Variants in NR5A2 observed in about 807,000 individuals in gnomAD.
NR5A2 encodes the protein nuclear receptor subfamily 5 group A member 2, also known as CYP7A promoter-binding factor.
NR5A2 carries 26 observed loss-of-function variants against 62.7 expected under a neutral mutation model. The ratio of observed to expected loss-of-function variants is 0.41; its 90% CI spans 0.30 to 0.58. The LOEUF is 0.58. NR5A2 is among the 20% of genes least tolerant of loss of function. The pLI is 0.22. For synonymous variants in NR5A2, 246 were observed against 241.7 expected (o/e 1.02, Z -0.16); for missense variants, 541 against 669.1 (o/e 0.81, Z 2.11).
chr1:200,171,984 C>T (rs1366588488), intron 7 of NR5A2, among the ~76,000 whole-genome samples: 2 of 152,152 alleles, frequency 1.3e-5, no homozygotes, highest in Non-Finnish European at 1.5e-5. Context: ...AAACAACTTT[C>T]TAAAAAGGGT....
intron 5 of NR5A2, among the ~76,000 whole-genome samples, chr1:200,078,753 G>T (rs887482714): frequency 2.0e-5 from 3 of 152,006 alleles, no homozygotes; most frequent in Non-Finnish European, 4.4e-5. Flanking sequence ...TTACTTTAAT[G>T]TTATACATAA....
chr1:200,129,009 T>A (rs908629617), intron 7 of NR5A2, among the ~76,000 whole-genome samples: 1 of 152,220 alleles, frequency 6.6e-6, no homozygotes, highest in Non-Finnish European at 1.5e-5. Flanking sequence ...CTAATGCTTC[T>A]TTTCCCTTTA....
intron 5 of NR5A2, among the ~76,000 whole-genome samples, chr1:200,101,195 G>A (rs1665348377): frequency 6.6e-6 from 1 of 152,074 alleles, no homozygotes; most frequent in Admixed American, 6.6e-5. Context: ...TATTTTGCAG[G>A]GCTATGTCTT....
chr1:200,100,296 C>T (rs961326782), intron 5 of NR5A2, among the ~76,000 whole-genome samples: 3 of 151,866 alleles, frequency 2.0e-5, no homozygotes, highest in Non-Finnish European at 4.4e-5. Flanking sequence ...CTTCGTACTT[C>T]ATTTAGCATC....
intron 7 of NR5A2, among the ~76,000 whole-genome samples, chr1:200,169,790 T>C (rs1464349770): frequency 6.6e-6 from 1 of 152,226 alleles, no homozygotes; most frequent in Non-Finnish European, 1.5e-5. Context: ...ACATACTATT[T>C]CCAACTCAGA....
chr1:200,029,937 A>T (rs1292678685), intron 1 of NR5A2, among the ~76,000 whole-genome samples: 1 of 152,188 alleles, frequency 6.6e-6, no homozygotes, highest in Non-Finnish European at 1.5e-5. Context: ...GGTCGTTCCC[A>T]GGGTGAATGG....
At chr1:200,061,781 G>A (rs957733076) in intron 5 of NR5A2, among the ~76,000 whole-genome samples, 1 of 152,112 alleles carries the variant, frequency 6.6e-6, no homozygotes, top group Non-Finnish European at 1.5e-5. Flanking sequence ...GATGTAACTG[G>A]CCTTTCATCA....
intron 5 of NR5A2, among the ~76,000 whole-genome samples, chr1:200,074,249 T>G (rs962452753): frequency 6.6e-5 from 10 of 152,004 alleles, no homozygotes; most frequent in African/African-American, 2.2e-4. Context: ...TAATGAATTA[T>G]GAGTGCAGTT....
chr1:200,039,824 T>TCCCGCTGCTTCCCCACCC lies in NR5A2; in HGVS notation c.202+32_202+49dup. On this transcript the variant is annotated intron_variant, in intron 2 of 7. Transcript: ENST00000367362. The surrounding 1 kb of genome is among the most constrained non-coding windows in gnomAD (Gnocchi z 5.1). ...AGGAGGCGCCGCGCGGCGCTCCGGC[T>TCCCGCTGCTTCCCCACCC]CCCGCTGCTTCCCCACCCCCGGGCT... 1.3e-6 allele frequency: 2 copies of TCCCGCTGCTTCCCCACCC among 1,582,302 alleles called. No homozygotes were observed. Among genetic ancestry groups the TCCCGCTGCTTCCCCACCC allele is most frequent in the Non-Finnish European group, 1.7e-6 (2 of 1,167,394 alleles).
At chr1:200,131,898 A>C (rs923831346) in intron 7 of NR5A2, among the ~76,000 whole-genome samples, 16 of 152,270 alleles carry the variant, frequency 1.1e-4, no homozygotes, top group Non-Finnish European at 2.1e-4. Context: ...CCAGGAGAGA[A>C]GAACAAATAG....
intron 5 of NR5A2, among the ~76,000 whole-genome samples, chr1:200,093,275 G>A (rs1434298806): frequency 1.3e-5 from 2 of 152,046 alleles, no homozygotes; most frequent in Non-Finnish European, 2.9e-5. Context: ...TCTCCCCTAT[G>A]TTCCTTTTTG....
At chr1:200,135,229 T>C (rs898347937) in intron 7 of NR5A2, among the ~76,000 whole-genome samples, 1 of 152,024 alleles carries the variant, frequency 6.6e-6, no homozygotes, top group Admixed American at 6.6e-5. Context: ...CCTGAAATAA[T>C]AAAGCATGAG....
At position 200,111,336 on chromosome 1, in the gene NR5A2, C is replaced by CTCA; in HGVS notation, c.1230+15_1230+16insTCA. 2 of 1,406,406 alleles carry CTCA rather than the reference C, an allele frequency of 1.4e-6. No individual in the cohort carries two copies. The highest frequency in any genetic ancestry group is 9.4e-7 in the Non-Finnish European group (1 of 1,069,010). The allele number at this position is 1,406,406 out of a possible 1,614,324, so 87.1% of individuals were successfully genotyped here. On this transcript the variant is annotated intron_variant, in intron 6 of 7. Coordinates refer to ENST00000367362, the MANE Select transcript of NR5A2 (RefSeq NM_205860.3). ...CTGGGCAACAAGTGAGTGTAGAGACCAAAAAAAAAAAAAAAGCATCTTTTT... is the reference window on the plus strand; with the variant it reads ...CTGGGCAACAAGTGAGTGTAGAGACCTCAAAAAAAAAAAAAAAAGCATCTTTTT...
intron 5 of NR5A2, chr1:200,054,109 T>C (rs949390699): frequency 6.6e-6 from 1 of 152,098 alleles, no homozygotes; most frequent in African/African-American, 2.4e-5. Flanking sequence ...ATACAGAGAT[T>C]AGCATGACCC....
At chr1:200,120,761 A>C in intron 6 of NR5A2, 47 bp from the exon 7 acceptor site, 1 of 1,499,226 alleles carries the variant, frequency 6.7e-7, no homozygotes, top group East Asian at 2.4e-5. Context: ...GGTGAAATAC[A>C]TATTGCTGAT....
intron 7 of NR5A2, 44 bp from the exon 8 acceptor site, chr1:200,173,919 A>G (rs1402751663): frequency 7.1e-7 from 1 of 1,401,538 alleles, no homozygotes; most frequent in South Asian, 1.7e-5. Context: ...AGGAATTGAA[A>G]TGCTATTGAA....
intron 5 of NR5A2, among the ~76,000 whole-genome samples, chr1:200,093,347 T>A (rs895572093): frequency 6.6e-6 from 1 of 152,148 alleles, no homozygotes; most frequent in Admixed American, 6.5e-5. Context: ...ACCAAGGAAG[T>A]AGGGCTTGGT....
chr1:200,042,989 T>C, intron 2 of NR5A2: 1 of 985,466 alleles, frequency 1.0e-6, no homozygotes, highest in South Asian at 4.7e-5. Flanking sequence ...GCTATGATGA[T>C]CGGAAACATG....
rs73071361 is a variant in NR5A2 at position 200,158,225 on chromosome 1, G to A, written c.1379-15738G>A. On this transcript the variant is annotated intron_variant, in intron 7 of 7. Transcript: ENST00000367362. ...CACAGTGGGGCACAATTAAAAAGGA[G>A]TTGGGAGCATCAGCTATAATATTCA... 8.7e-3 allele frequency among the ~76,000 whole-genome samples: 1,332 copies of A among 152,260 alleles called. 23 individuals are homozygous for A. Among genetic ancestry groups the A allele is most frequent in the African/African-American group, 0.031 (1,271 of 41,536 alleles).
Sources: allele counts gnomAD v4.1 joint callset (sites outside exome capture counted in the v4.1 genomes callset), GRCh38; gene constraint gnomAD v4.1.1; non-coding constraint Gnocchi (gnomAD v3.1); transcripts MANE v1.5; gene names NCBI Gene and HGNC (gene_info 2026-07-23, HGNC 2026-07-21).